The following PDXK variants were observed in gnomAD, a reference collection of about 807,000 sequenced individuals.
PDXK encodes the protein epididymis secretory sperm binding protein Li 1a.
A neutral mutation model predicts 43.2 loss-of-function variants in PDXK; 15 were observed. The ratio of observed to expected loss-of-function variants is 0.35; its 90% confidence interval spans 0.23 to 0.53. The LOEUF (loss-of-function observed/expected upper bound fraction) is 0.53, where lower values mean the gene tolerates loss of function less well. Among genes scored for constraint, PDXK ranks in the 20% least tolerant of loss-of-function variants. The pLI is 0.92. For missense variants in PDXK, 343 were observed against 417.0 expected, an observed-to-expected ratio of 0.82 and a Z score of 1.54; for synonymous variants, 172 against 165.4, an observed-to-expected ratio of 1.04 and a Z score of -0.31.
intron 5 of PDXK, among the ~76,000 whole-genome samples, chr21:43,746,417 T>C (rs2083640446): frequency 6.6e-6 from 1 of 152,100 alleles, no homozygotes; most frequent in Non-Finnish European, 1.5e-5. Flanking sequence ...TGACTTCTTT[T>C]CTTTTCTTTC....
At chr21:43,719,759 G>GAGTCCCGGAGC in intron 1 of PDXK, 1 of 985,482 alleles carries the variant, frequency 1.0e-6, no homozygotes. Flanking sequence ...GAGCCCCGAG[G>GAGTCCCGGAGC]AGTCCCGGAG....
rs371965644 is a variant in PDXK at position 43,732,135 on chromosome 21, G to A, written c.88-1934G>A. 57 of 1,352,804 alleles carry A rather than the reference G, an allele frequency of 4.2e-5. No homozygotes were observed. Among genetic ancestry groups the A allele is most frequent in the Non-Finnish European group, 4.7e-5 (50 of 1,052,710 alleles). 83.8% of individuals were successfully genotyped at this position (1,352,804 alleles called of 1,614,324 possible). On this transcript the variant is annotated intron_variant, in intron 1 of 10. Coordinates refer to ENST00000291565, the MANE Select transcript of PDXK (RefSeq NM_003681.5). This position sits in a 1 kb window ranked among gnomAD's most constrained non-coding sequence, Gnocchi z 4.1. ...CTGCTGACAGAAGCCCATTCTCTTC[G>A]CAGGCTTCAGTTTCACATTCTTGGT...
intron 1 of PDXK, chr21:43,720,013 G>C: frequency 1.3e-6 from 1 of 797,488 alleles, no homozygotes; most frequent in African/African-American, 1.9e-5. Context: ...CCCTGCAGGT[G>C]TTTGCTCTGA....
chr21:43,733,794 T>C (rs1399780340), intron 1 of PDXK: 6 of 777,160 alleles, frequency 7.7e-6, no homozygotes, highest in African/African-American at 1.8e-5. Context: ...TGCTTCCCCA[T>C]GGAGGTCCTG....
chr21:43,737,164 G>A lies in PDXK; in HGVS notation c.142+3041G>A, dbSNP rs1395491533. The A allele has an allele frequency of 1.4e-6, 2 of 1,456,482 alleles. No homozygotes were observed. The highest frequency in any genetic ancestry group is 1.8e-6 in the Non-Finnish European group (2 of 1,096,786). 90.2% of individuals were successfully genotyped at this position (1,456,482 alleles called of 1,614,324 possible). ...CTGCCTGGGATGGGCCACAAAGCCA[G>A]ACTCCCGGCAGGGACACGGGTGTTC... On this transcript the variant is annotated intron_variant, in intron 2 of 10. Coordinates refer to ENST00000291565, the MANE Select transcript of PDXK (RefSeq NM_003681.5). The surrounding 1 kb of genome is among the most constrained non-coding windows in gnomAD (Gnocchi z 4.8).
chr21:43,747,813 G>C (rs1400282906), intron 5 of PDXK, among the ~76,000 whole-genome samples: 1 of 152,190 alleles, frequency 6.6e-6, no homozygotes, highest in Non-Finnish European at 1.5e-5. Context: ...TCAGATGAGC[G>C]GTCACCCCGT....
intron 5 of PDXK, among the ~76,000 whole-genome samples, chr21:43,748,042 C>T (rs2083668163): frequency 6.6e-6 from 1 of 152,204 alleles, no homozygotes; most frequent in Non-Finnish European, 1.5e-5. Flanking sequence ...CCTGTGGGGC[C>T]TCTGATCTCC....
rs79898513 is a variant in PDXK, at chr21:43,736,562, G to T, written c.142+2439G>T. Among the ~76,000 whole-genome samples, 578 of 152,314 alleles carry T rather than the reference G, an allele frequency of 3.8e-3. 3 individuals carry two copies. Among genetic ancestry groups the T allele is most frequent in the Admixed American group, 0.011 (161 of 15,306 alleles). On this transcript the variant is annotated intron_variant, in intron 2 of 10. Transcript: ENST00000291565. ...CACAGGCTGCGCCTGATTTGGCAGGGAGCTGGGATGATGCTGCCAGGGAGC... is the reference window on the plus strand; with the variant it reads ...CACAGGCTGCGCCTGATTTGGCAGGTAGCTGGGATGATGCTGCCAGGGAGC...
At position 43,737,247 on chromosome 21, in the gene PDXK, G is replaced by A. The variant is rs73373294; in HGVS notation, c.142+3124G>A. Reference sequence around the variant, plus strand: ...CTTCAGGCTGGGGGGTGGGAAAGCCGATCCCCCAAGTGCCTGCAGAGCCCA... The same window carrying A: ...CTTCAGGCTGGGGGGTGGGAAAGCCAATCCCCCAAGTGCCTGCAGAGCCCA... On this transcript the variant is annotated intron_variant, in intron 2 of 10. Transcript: ENST00000291565. This position sits in a 1 kb window ranked among gnomAD's most constrained non-coding sequence, Gnocchi z 4.8. 0.17 allele frequency: 248,286 copies of A among 1,424,998 alleles called. 22,942 individuals are homozygous for A. The highest frequency in any genetic ancestry group is 0.19 in the Non-Finnish European group (208,553 of 1,092,712). The allele number at this position is 1,424,998 out of a possible 1,614,324, so 88.3% of individuals were successfully genotyped here.
Position 43,729,598 on chromosome 21 carries a change from G to A in PDXK, c.88-4471G>A, listed in dbSNP as rs562154161. On this transcript the variant is annotated intron_variant, in intron 1 of 10. Coordinates refer to ENST00000291565, the MANE Select transcript of PDXK (RefSeq NM_003681.5). ...TCAAGGGCTGGGTTTAGAGGGGTAC[G>A]TCTGGAGGTGCGGGTGGGGAATGCA... is the stretch of plus-strand genomic sequence containing the variant. Among the ~76,000 whole-genome samples the A allele has an allele frequency of 1.2e-4, 19 of 152,226 alleles. No individual in the cohort carries two copies. The South Asian group carries it at 3.1e-3, about 25-fold the overall frequency.
Position 43,734,584 on chromosome 21 carries a change from G to A in PDXK, c.142+461G>A, listed in dbSNP as rs1364436342. 6.6e-6 allele frequency among the ~76,000 whole-genome samples: 1 copy of A among 152,164 alleles called. No individual in the cohort carries two copies. Among genetic ancestry groups the A allele is most frequent in the Non-Finnish European group, 1.5e-5 (1 of 68,026 alleles). On this transcript the variant is annotated intron_variant, in intron 2 of 10. Transcript: ENST00000291565. This position sits in a 1 kb window ranked among gnomAD's most constrained non-coding sequence, Gnocchi z 5.0. ...GTCCCCCATGGGGTGGTCGTGCTGG[G>A]GGATGTGTAGGTGGTTCTGGGTTTT...
chr21:43,732,891 CAT>C lies in PDXK; in HGVS notation c.88-1177_88-1176del, dbSNP rs1043167988. 5.9e-5 allele frequency among the ~76,000 whole-genome samples: 9 copies of C among 152,242 alleles called. No individual in the cohort carries two copies. The highest frequency in any genetic ancestry group is 1.9e-4 in the African/African-American group (8 of 41,546). On this transcript the variant is annotated intron_variant, in intron 1 of 10. Coordinates refer to ENST00000291565, the MANE Select transcript of PDXK (RefSeq NM_003681.5). This position sits in a 1 kb window ranked among gnomAD's most constrained non-coding sequence, Gnocchi z 4.1. The stretch of plus-strand genomic sequence containing the variant: ...CCTCCCGAGTAGCTGGGACTACAGA[CAT>C]GTGCCACCACGCCCGGCTAATTTCT...
rs2083818878 is a variant in PDXK, at chr21:43,754,842, C to A, written c.760-856C>A. Among the ~76,000 whole-genome samples, 1 of 152,146 alleles carries A rather than the reference C, an allele frequency of 6.6e-6. No homozygotes were observed. The highest frequency in any genetic ancestry group is 2.1e-4 in the South Asian group (1 of 4,824). ...ACGTGTCCCCCGGGGTACACCTCCT[C>A]CCCAACAAGTCAGTTTCAGCTGAGT... On this transcript the variant is annotated intron_variant, in intron 9 of 10. Coordinates refer to ENST00000291565, the MANE Select transcript of PDXK (RefSeq NM_003681.5). The surrounding 1 kb of genome is among the most constrained non-coding windows in gnomAD (Gnocchi z 5.5).
chr21:43,733,257 C>A (rs1157635723), intron 1 of PDXK, among the ~76,000 whole-genome samples: 1 of 108,992 alleles, frequency 9.2e-6, no homozygotes, highest in African/African-American at 3.8e-5. Flanking sequence ...ATCCCCACCC[C>A]CCCCCCCGCC....
At position 43,734,160 on chromosome 21, in the gene PDXK, C is replaced by T. The variant is rs758781452; in HGVS notation, c.142+37C>T. On this transcript the variant is annotated intron_variant, in intron 2 of 10. Coordinates refer to ENST00000291565, the MANE Select transcript of PDXK (RefSeq NM_003681.5). The surrounding 1 kb of genome is among the most constrained non-coding windows in gnomAD (Gnocchi z 5.0). Reference sequence around the variant, plus strand: ...GCTCCAGCAGCTGGCATAGAGCAGACTGTGGGTGTGAGGGACGGGGCGGAG... The same window carrying T: ...GCTCCAGCAGCTGGCATAGAGCAGATTGTGGGTGTGAGGGACGGGGCGGAG... 9 of 1,589,128 alleles carry T rather than the reference C, an allele frequency of 5.7e-6. No homozygotes were observed. The highest frequency in any genetic ancestry group is 4.1e-5 in the African/African-American group (3 of 72,932).
At chr21:43,725,843 AG>A (rs1316274542) in intron 1 of PDXK, among the ~76,000 whole-genome samples, 1 of 151,988 alleles carries the variant, frequency 6.6e-6, no homozygotes, top group Non-Finnish European at 1.5e-5. Flanking sequence ...AAGGAAAAAG[AG>A]CCAGTGGTGA....
chr21:43,752,598 C>T lies in PDXK; in HGVS notation c.591C>T (p.Asn197=). 12 of 1,612,644 alleles carry T rather than the reference C, an allele frequency of 7.4e-6. No homozygotes were observed. Among genetic ancestry groups the T allele is most frequent in the Non-Finnish European group, 1.0e-5 (12 of 1,179,178 alleles). Residue 197 remains asparagine (N), a synonymous_variant, in exon 8 of 11, where the codon AAC becomes AAT. Coordinates refer to ENST00000291565, the MANE Select transcript of PDXK (RefSeq NM_003681.5). ...SSDLPSPQGS[N]YLIVLGSQRR... is the part of the protein sequence containing the mutation. ...ACCTGCCCTCCCCGCAGGGCAGCAA[C>T]TACCTGATTGTGCTGGGGAGTCAGA...
At chr21:43,729,653 C>A (rs548509573) in intron 1 of PDXK, among the ~76,000 whole-genome samples, 2 of 152,276 alleles carry the variant, frequency 1.3e-5, no homozygotes, top group Admixed American at 1.3e-4. Context: ...AGAACAGTAG[C>A]ACGGGCCGAG....
chr21:43,755,590 G>C, intron 9 of PDXK, 108 bp from the exon 10 acceptor site: 3 of 948,420 alleles, frequency 3.2e-6, no homozygotes, highest in Non-Finnish European at 5.2e-6. Context: ...CCGGTGGCTC[G>C]GAGAGCAGGA....
Sources: gnomAD v4.1 joint callset for allele counts (sites outside exome capture counted in the v4.1 genomes callset) on GRCh38, gnomAD v4.1.1 for gene constraint, Gnocchi (gnomAD v3.1) non-coding constraint, MANE v1.5 for transcripts, NCBI Gene and HGNC (gene_info 2026-07-23, HGNC 2026-07-21) for gene names.